The following SATB1 variants were observed in gnomAD, a reference collection of about 807,000 sequenced individuals.
SATB1 encodes SATB homeobox 1.
A neutral mutation model predicts 86.9 loss-of-function variants in SATB1; 11 were observed. The observed-to-expected ratio is 0.13, with a 90% CI of 0.08 to 0.21. The LOEUF (loss-of-function observed/expected upper bound fraction) is 0.21, where lower values mean the gene tolerates loss of function less well. Among genes scored for constraint, SATB1 ranks in the 10% least tolerant of loss-of-function variants. The pLI, the probability that SATB1 is intolerant of heterozygous loss-of-function variation, is 1.00. For missense variants in SATB1, 551 were observed against 937.6 expected, an observed-to-expected ratio of 0.59 and a Z score of 5.39; for synonymous variants, 357 against 357.2, an observed-to-expected ratio of 1.00 and a Z score of 0.01.
intron 9 of SATB1, among the ~76,000 whole-genome samples, chr3:18,374,994 A>G (rs542141193): frequency 4.9e-4 from 74 of 152,308 alleles, no homozygotes; most frequent in African/African-American, 1.7e-3. Flanking sequence ...CCTGGATCAG[A>G]GTTGGCCTCC....
intron 8 of SATB1, among the ~76,000 whole-genome samples, chr3:18,382,040 TA>T (rs1434989313): frequency 2.0e-5 from 3 of 152,136 alleles, no homozygotes; most frequent in Non-Finnish European, 4.4e-5. Context: ...TCATAAGAAA[TA>T]AAACTTTTAC....
At chr3:18,433,355 CTTTA>C (rs1212764497) in intron 2 of SATB1, among the ~76,000 whole-genome samples, 5 of 151,778 alleles carry the variant, frequency 3.3e-5, no homozygotes, top group African/African-American at 9.7e-5. Context: ...CATAAAAAGA[CTTTA>C]GATTCTATTT....
chr3:18,372,214 A>G (rs2125172807), intron 9 of SATB1, among the ~76,000 whole-genome samples: 1 of 152,324 alleles, frequency 6.6e-6, no homozygotes, highest in East Asian at 1.9e-4. Context: ...GTTTCCTTAC[A>G]TGATGAACCT....
At chr3:18,422,451 T>C (rs1698440186) in intron 1 of SATB1, among the ~76,000 whole-genome samples, 1 of 152,222 alleles carries the variant, frequency 6.6e-6, no homozygotes, top group Non-Finnish European at 1.5e-5. Flanking sequence ...CTATTTATCT[T>C]TGTACTCCAG....
intron 7 of SATB1, among the ~76,000 whole-genome samples, chr3:18,392,562 TATACACACAC>T (rs36215840): frequency 0.15 from 22,025 of 151,342 alleles, 2,030 homozygotes; most frequent in East Asian, 0.4. Context: ...TATACATATA[TATACACACAC>T]ATACACACAC....
At chr3:18,440,785 C>A (rs1699221250), upstream of SATB1, among the ~76,000 whole-genome samples, 1 of 151,998 alleles carries the variant, frequency 6.6e-6, no homozygotes, top group Admixed American at 6.6e-5. Context: ...AAAATCATCA[C>A]AGAGTTTTGG....
At chr3:18,445,358 G>GGGGGCGGCGGGCCGGA in intron 1 of SATB1, 14 of 985,202 alleles carry the variant, frequency 1.4e-5, no homozygotes, top group Non-Finnish European at 1.7e-5. Context: ...CCGGGGTGTG[G>GGGGGCGGCGGGCCGGA]GGGGCGGCGG....
chr3:18,364,300 G>T (rs1490532114), intron 9 of SATB1, among the ~76,000 whole-genome samples: 1 of 151,868 alleles, frequency 6.6e-6, no homozygotes, highest in East Asian at 1.9e-4. Context: ...TGAAATACAG[G>T]TATCAAAAAT....
In SATB1 at chr3:18,386,338, C is replaced by T. The variant is rs930962059; in HGVS notation, c.1419+61G>A. ...ATCTATCTAATTTCTTATTGAGATTCTTCCTCAAGCATTAAAAAAAAGCTA... is the reference window on the plus strand; with the variant it reads ...ATCTATCTAATTTCTTATTGAGATTTTTCCTCAAGCATTAAAAAAAAGCTA... On this transcript the variant is annotated intron_variant, in intron 8 of 10. Coordinates refer to ENST00000338745, the MANE Select transcript of SATB1 (RefSeq NM_002971.6). The surrounding 1 kb of genome is among the most constrained non-coding windows in gnomAD (Gnocchi z 4.5). 8 of 1,255,056 alleles carry T rather than the reference C, an allele frequency of 6.4e-6. No individual in the cohort carries two copies. The highest frequency in any genetic ancestry group is 1.5e-5 in the African/African-American group (1 of 66,646). The allele number at this position is 1,255,056 out of a possible 1,614,324, so 77.7% of individuals were successfully genotyped here.
chr3:18,395,061 T>G, intron 6 of SATB1, 145 bp from the exon 7 acceptor site: 17 of 599,244 alleles, frequency 2.8e-5, no homozygotes, highest in Non-Finnish European at 3.7e-5. Context: ...AGTTGCAACT[T>G]ACCAGGCTGT....
intron 9 of SATB1, among the ~76,000 whole-genome samples, chr3:18,371,993 C>A (rs1575105167): frequency 6.6e-6 from 1 of 152,200 alleles, no homozygotes; most frequent in Non-Finnish European, 1.5e-5. Context: ...AACTCTTCAA[C>A]TGACAAAGCT....
chr3:18,396,070 T>C (rs182772629), intron 6 of SATB1, among the ~76,000 whole-genome samples: 77 of 152,316 alleles, frequency 5.1e-4, no homozygotes, highest in Non-Finnish European at 9.8e-4. Context: ...AACTAAGAAT[T>C]GGGGAAGAAA....
At chr3:18,378,070 C>T (rs1166139009) in intron 9 of SATB1, 100 bp downstream of exon 9, 1 of 1,015,028 alleles carries the variant, frequency 9.9e-7, no homozygotes, top group Non-Finnish European at 1.4e-6. Context: ...ACAGAGGCCT[C>T]TCCGTGATGC....
intron 2 of SATB1, 135 bp from the exon 3 acceptor site, chr3:18,417,213 G>C (rs1698163397): frequency 1.3e-6 from 1 of 791,632 alleles, no homozygotes; most frequent in South Asian, 1.6e-5. Flanking sequence ...GGCAGACTGG[G>C]TACAGTACAG....
chr3:18,429,611 C>T (rs901780739), upstream of SATB1, among the ~76,000 whole-genome samples: 42 of 152,190 alleles, frequency 2.8e-4, no homozygotes, highest in African/African-American at 1.0e-3. This position sits in a 1 kb window ranked among gnomAD's most constrained non-coding sequence, Gnocchi z 4.1. Context: ...CAACCTGACC[C>T]AGCCTTGAAC....
At chr3:18,350,375 A>T (rs1269404424) in intron 10 of SATB1, 1 of 152,266 alleles carries the variant, frequency 6.6e-6, no homozygotes, top group Non-Finnish European at 1.5e-5. Context: ...TGTCTATAGC[A>T]AACTCAGATG....
chr3:18,445,070 C>G (rs1483686898), intron 1 of SATB1: 1 of 354,898 alleles, frequency 2.8e-6, no homozygotes, highest in East Asian at 1.7e-4. Context: ...GGACGCGCAT[C>G]CAGACGTGGC....
At chr3:18,391,123 A>G (rs2125108338) in intron 7 of SATB1, among the ~76,000 whole-genome samples, 1 of 152,280 alleles carries the variant, frequency 6.6e-6, no homozygotes, top group Admixed American at 6.5e-5. Flanking sequence ...AGGCTTAAAA[A>G]AAAACCCATG....
intron 5 of SATB1, among the ~76,000 whole-genome samples, chr3:18,398,918 G>A (rs1262609354): frequency 3.9e-5 from 6 of 152,146 alleles, no homozygotes; most frequent in Admixed American, 6.5e-5. Flanking sequence ...TGATCTGTCA[G>A]CTTCAATCTC....
Sources: gnomAD v4.1 joint callset for allele counts (sites outside exome capture counted in the v4.1 genomes callset) on GRCh38, gnomAD v4.1.1 for gene constraint, Gnocchi (gnomAD v3.1) non-coding constraint, MANE v1.5 for transcripts, NCBI Gene and HGNC (gene_info 2026-07-23, HGNC 2026-07-21) for gene names.